The following PIK3R2 variants were observed in gnomAD, a reference collection of about 807,000 sequenced individuals.
PIK3R2 encodes phosphoinositide-3-kinase regulatory subunit 2.
In PIK3R2, 40 loss-of-function variants were observed where a neutral mutation model predicts 78.5. The observed-to-expected ratio is 0.51, with a 90% CI of 0.40 to 0.66. The LOEUF (loss-of-function observed/expected upper bound fraction) is 0.66, where lower values mean the gene tolerates loss of function less well. Ranked by LOEUF, PIK3R2 falls within the 30% of genes least tolerant of loss-of-function variation. The probability of loss-of-function intolerance (pLI) is 0.00; values close to 1 mark genes in which losing one functional copy is unlikely to be tolerated. For synonymous variants in PIK3R2, 473 were observed against 457.7 expected (o/e 1.03, Z -0.43); for missense variants, 880 against 1,026.6 (o/e 0.86, Z 1.95).
chr19:18,161,364 C>T lies in PIK3R2; in HGVS notation c.684C>T (p.His228=), dbSNP rs544647015. The T allele has an allele frequency of 4.8e-5, 61 of 1,278,840 alleles. 1 individual carries two copies. The South Asian group carries it at 1.5e-3, about 31-fold the overall frequency. 79.2% of individuals were successfully genotyped at this position (1,278,840 alleles called of 1,614,324 possible). ...TCACGCTGCGCTTCCTGCTCCAGCA[C>T]CTGGGCCGCGTGGCCAGCCGCGCCC... is the stretch of plus-strand genomic sequence containing the variant. ...RALTLRFLLQ[H]LGRVASRAPA... Residue 228 remains histidine (H), a synonymous_variant, in exon 6 of 16, where the codon CAC becomes CAT. Coordinates refer to ENST00000222254, the MANE Select transcript of PIK3R2 (RefSeq NM_005027.4). This position sits in a 1 kb window ranked among gnomAD's most constrained non-coding sequence, Gnocchi z 5.3.
chr19:18,164,122 A>T (rs1411111070), intron 11 of PIK3R2, among the ~76,000 whole-genome samples: 1 of 152,096 alleles, frequency 6.6e-6, no homozygotes, highest in East Asian at 1.9e-4. Flanking sequence ...GTAAAACTCC[A>T]TCTAAAAAAA....
In PIK3R2 at chr19:18,155,867, C is replaced by G. The variant is rs2043671711; in HGVS notation, c.-13C>G. 4.6e-6 allele frequency: 7 copies of G among 1,534,642 alleles called. No homozygotes were observed. Among genetic ancestry groups the G allele is most frequent in the Non-Finnish European group, 6.1e-6 (7 of 1,139,176 alleles). On this transcript the variant is annotated 5_prime_UTR_variant, in exon 2 of 16. Coordinates refer to ENST00000222254, the MANE Select transcript of PIK3R2 (RefSeq NM_005027.4). ...CCACCTAACCATCCAGACCCCACCC[C>G]ACTCACGCGGCCATGGCGGGCCCTG...
Position 18,168,705 on chromosome 19 carries a change from CGCCA to C in PIK3R2, c.1809-20_1809-17del. ...GCAGGTGAGTGACCAGGGCCCTCCC[CGCCA>C]CCGCCCCCCACCCCAGCCAGTACGC... On this transcript the variant is annotated splice_polypyrimidine_tract_variant and intron_variant, in intron 14 of 15. Coordinates refer to ENST00000222254, the MANE Select transcript of PIK3R2 (RefSeq NM_005027.4). The surrounding 1 kb of genome is among the most constrained non-coding windows in gnomAD (Gnocchi z 4.1). 2.4e-5 allele frequency: 38 copies of C among 1,594,276 alleles called. No individual in the cohort carries two copies. The highest frequency in any genetic ancestry group is 2.9e-5 in the Non-Finnish European group (34 of 1,163,544).
intron 11 of PIK3R2, among the ~76,000 whole-genome samples, chr19:18,165,235 T>C (rs975909492): frequency 6.6e-6 from 1 of 151,428 alleles, no homozygotes; most frequent in Non-Finnish European, 1.5e-5. Flanking sequence ...CGTCATGGCA[T>C]GCACCTGTAA....
chr19:18,159,272 T>C (rs947007323), intron 2 of PIK3R2, among the ~76,000 whole-genome samples: 7 of 150,884 alleles, frequency 4.6e-5, no homozygotes, highest in Non-Finnish European at 7.4e-5. Flanking sequence ...ATTACAGACG[T>C]GAGCCTTTGC....
At chr19:18,153,933 T>C (rs1195500114) in intron 1 of PIK3R2, among the ~76,000 whole-genome samples, 2 of 152,104 alleles carry the variant, frequency 1.3e-5, no homozygotes, top group Non-Finnish European at 2.9e-5. Context: ...AATGGGTAAA[T>C]TGGGCACCCG....
At chr19:18,162,529 A>G in intron 9 of PIK3R2, 23 bp downstream of exon 9, 1 of 1,596,640 alleles carries the variant, frequency 6.3e-7, no homozygotes, top group Non-Finnish European at 8.6e-7. Context: ...CCCTGCAAGG[A>G]TAACCGGGGG....
In PIK3R2 at chr19:18,170,485, G is replaced by A. The variant is rs1431560713; in HGVS notation, c.*1191G>A. 6.6e-6 allele frequency: 1 copy of A among 152,132 alleles called. No homozygotes were observed. The highest frequency in any genetic ancestry group is 1.5e-5 in the Non-Finnish European group (1 of 68,036). The allele number at this position is 152,132 out of a possible 1,614,324, so 9.4% of individuals were successfully genotyped here. On this transcript the variant is annotated 3_prime_UTR_variant, in exon 16 of 16. Transcript: ENST00000222254. ...GCCTGCCCCACGAGCTGGGAGGCAGGTTTTGTACGGTACGTTGTTATTGAT... is the reference window on the plus strand; with the variant it reads ...GCCTGCCCCACGAGCTGGGAGGCAGATTTTGTACGGTACGTTGTTATTGAT...
chr19:18,165,748 C>T (rs1028886850), intron 11 of PIK3R2, among the ~76,000 whole-genome samples: 2 of 152,172 alleles, frequency 1.3e-5, no homozygotes, highest in African/African-American at 4.8e-5. Flanking sequence ...AGCACTGTAA[C>T]CTCAGAATTG....
rs1967134256 is a variant in PIK3R2, at chr19:18,169,596, C to T, written c.*302C>T. 3.5e-6 allele frequency: 1 copy of T among 283,366 alleles called. No individual in the cohort carries two copies. Among genetic ancestry groups the T allele is most frequent in the Non-Finnish European group, 6.6e-6 (1 of 150,382 alleles). The allele number at this position is 283,366 out of a possible 1,614,324, so 17.6% of individuals were successfully genotyped here. A position where few individuals can be genotyped will look rare whatever the true frequency, so the allele number is the denominator to read the frequency against. On this transcript the variant is annotated 3_prime_UTR_variant, in exon 16 of 16. Coordinates refer to ENST00000222254, the MANE Select transcript of PIK3R2 (RefSeq NM_005027.4). ...TTGCCCTCTCCATGGCTCTGGTCAC[C>T]CTGACCCTCTGCCCTGCCCACCGCA...
At chr19:18,166,707 CAAAAA>C (rs34888009) in intron 12 of PIK3R2, among the ~76,000 whole-genome samples, 40 of 81,680 alleles carry the variant, frequency 4.9e-4, no homozygotes, top group Non-Finnish European at 8.3e-4. Context: ...AAGACTGTCT[CAAAAA>C]AAAAAAAAAA....
chr19:18,162,387 C>T, intron 8 of PIK3R2, 21 bp from the exon 9 acceptor site: 9 of 1,611,032 alleles, frequency 5.6e-6, no homozygotes, highest in Non-Finnish European at 7.6e-6. Context: ...TCGGCAGTCC[C>T]AATGTTGGAT....
intron 3 of PIK3R2, 78 bp from the exon 4 acceptor site, chr19:18,160,841 G>A: frequency 6.6e-7 from 1 of 1,514,938 alleles, no homozygotes; most frequent in South Asian, 1.2e-5. Flanking sequence ...GACTGCAGGG[G>A]GGTTGAGCGG....
intron 1 of PIK3R2, among the ~76,000 whole-genome samples, 199 bp downstream of exon 1, chr19:18,153,493 C>A (rs956225590): frequency 6.6e-6 from 1 of 152,144 alleles, no homozygotes; most frequent in African/African-American, 2.4e-5. Flanking sequence ...TTGGGACGGT[C>A]GGGGCAGAAT....
At position 18,156,219 on chromosome 19, in the gene PIK3R2, G is replaced by T. The variant is rs201235026; in HGVS notation, c.322+18G>T. 31 of 1,462,536 alleles carry T rather than the reference G, an allele frequency of 2.1e-5. 1 individual carries two copies. The Middle Eastern group carries it at 1.1e-3, about 53-fold the overall frequency. 90.6% of individuals were successfully genotyped at this position (1,462,536 alleles called of 1,614,324 possible). ...TGAGCCAGGTGAGCAGCAAGCAGGG[G>T]CCCTGGAAAGGGGGGTGGTCCCCTC... On this transcript the variant is annotated intron_variant, in intron 2 of 15. Transcript: ENST00000222254. The surrounding 1 kb of genome is among the most constrained non-coding windows in gnomAD (Gnocchi z 4.2).
intron 1 of PIK3R2, among the ~76,000 whole-genome samples, chr19:18,154,247 G>A (rs2043654001): frequency 1.3e-5 from 2 of 152,066 alleles, no homozygotes; most frequent in Non-Finnish European, 2.9e-5. Context: ...GGGAATGTGT[G>A]CCTATCTCCG....
At chr19:18,158,547 G>A (rs940489387) in intron 2 of PIK3R2, among the ~76,000 whole-genome samples, 3 of 150,866 alleles carry the variant, frequency 2.0e-5, no homozygotes, top group Admixed American at 6.6e-5. Context: ...CAAGTGGATC[G>A]TTAGGGGCCA....
intron 12 of PIK3R2, among the ~76,000 whole-genome samples, chr19:18,166,797 T>G (rs558043521): frequency 6.6e-6 from 1 of 151,118 alleles, no homozygotes; most frequent in Non-Finnish European, 1.5e-5. Context: ...ATGCACAGGC[T>G]CAGAGGCTGG....
At chr19:18,164,808 G>A (rs984990872) in intron 11 of PIK3R2, among the ~76,000 whole-genome samples, 4 of 147,090 alleles carry the variant, frequency 2.7e-5, no homozygotes, top group African/African-American at 7.5e-5. Context: ...GCTAATTTTT[G>A]TATTTTTAGT....
Sources: allele counts gnomAD v4.1 joint callset (sites outside exome capture counted in the v4.1 genomes callset), GRCh38; gene constraint gnomAD v4.1.1; non-coding constraint Gnocchi (gnomAD v3.1); transcripts MANE v1.5; gene names NCBI Gene and HGNC (gene_info 2026-07-23, HGNC 2026-07-21).